RALYL: variants seen among roughly 807,000 people sequenced by gnomAD.
RALYL encodes RNA-binding Raly-like protein.
A neutral mutation model predicts 35.1 loss-of-function variants in RALYL; 29 were observed. That is an observed-to-expected ratio of 0.83 (90% confidence interval 0.61 to 1.13). The LOEUF (loss-of-function observed/expected upper bound fraction) is 1.13. Among genes scored for constraint, RALYL ranks in the 50% most tolerant of loss-of-function variants. The pLI, the probability that RALYL is intolerant of heterozygous loss-of-function variation, is 0.00. For synonymous variants in RALYL, 120 were observed against 127.6 expected (o/e 0.94, Z 0.40); for missense variants, 359 against 360.4 (o/e 1.00, Z 0.03).
At chr8:84,807,669 C>T (rs1824969556) in intron 4 of RALYL, among the ~76,000 whole-genome samples, 1 of 152,164 alleles carries the variant, frequency 6.6e-6, no homozygotes, top group African/African-American at 2.4e-5. Context: ...GCATCCACTC[C>T]ACCATCTACT....
chr8:84,688,226 T>C (rs1837240989), intron 2 of RALYL, among the ~76,000 whole-genome samples: 1 of 152,078 alleles, frequency 6.6e-6, no homozygotes, highest in South Asian at 2.1e-4. Context: ...AGTATAGAAT[T>C]TATTTGGAAG....
At chr8:84,469,724 G>A (rs1276378820) in intron 1 of RALYL, among the ~76,000 whole-genome samples, 5 of 152,322 alleles carry the variant, frequency 3.3e-5, no homozygotes, top group African/African-American at 9.6e-5. Flanking sequence ...AATGGCAGGC[G>A]CCCCTCCCCC....
At chr8:84,704,191 A>T (rs1840719643) in intron 2 of RALYL, among the ~76,000 whole-genome samples, 1 of 152,078 alleles carries the variant, frequency 6.6e-6, no homozygotes, top group Non-Finnish European at 1.5e-5. Flanking sequence ...TTGGGAGGCC[A>T]AGGTGGGCGG....
chr8:84,431,709 G>C (rs1029339481), intron 1 of RALYL, among the ~76,000 whole-genome samples: 1 of 152,086 alleles, frequency 6.6e-6, no homozygotes, highest in Non-Finnish European at 1.5e-5. Flanking sequence ...TTCATTCATG[G>C]TGAGGCAAAT....
chr8:84,641,141 T>G (rs1310381313), intron 2 of RALYL, among the ~76,000 whole-genome samples: 2 of 151,462 alleles, frequency 1.3e-5, no homozygotes, highest in Non-Finnish European at 3.0e-5. Flanking sequence ...TTATAACCTT[T>G]TTATTTAAAA....
chr8:84,807,815 A>C (rs1182091215), intron 4 of RALYL, among the ~76,000 whole-genome samples: 1 of 152,056 alleles, frequency 6.6e-6, no homozygotes, highest in African/African-American at 2.4e-5. Flanking sequence ...GTATATCTTC[A>C]TTTGAGTACT....
chr8:84,727,591 T>C (rs753576859), intron 2 of RALYL, among the ~76,000 whole-genome samples: 24 of 151,484 alleles, frequency 1.6e-4, no homozygotes, highest in Non-Finnish European at 3.2e-4. Flanking sequence ...CATCTAGCAA[T>C]AGGTATATCT....
chr8:84,620,351 C>T (rs1415979302), intron 2 of RALYL, among the ~76,000 whole-genome samples: 1 of 152,118 alleles, frequency 6.6e-6, no homozygotes, highest in Non-Finnish European at 1.5e-5. Flanking sequence ...ATTTCATCTT[C>T]CATTGCTGAT....
chr8:84,498,719 G>T (rs2056347285), intron 1 of RALYL, among the ~76,000 whole-genome samples: 1 of 151,874 alleles, frequency 6.6e-6, no homozygotes. Context: ...TCTTTTAAGA[G>T]AAATAAAGTA....
chr8:84,326,890 T>C (rs1378400090), intron 1 of RALYL, among the ~76,000 whole-genome samples: 1 of 152,184 alleles, frequency 6.6e-6, no homozygotes, highest in Non-Finnish European at 1.5e-5. Context: ...ATGTAGACTT[T>C]ATTCTAGGCA....
At chr8:84,372,243 C>T (rs1855868685) in intron 1 of RALYL, among the ~76,000 whole-genome samples, 1 of 152,012 alleles carries the variant, frequency 6.6e-6, no homozygotes, top group Non-Finnish European at 1.5e-5. Context: ...ACATCTGTGA[C>T]TGGAGTCCAC....
intron 1 of RALYL, among the ~76,000 whole-genome samples, chr8:84,272,801 G>A (rs1315116228): frequency 6.6e-6 from 1 of 152,090 alleles, no homozygotes; most frequent in Non-Finnish European, 1.5e-5. Flanking sequence ...CACAACTAGG[G>A]CAGTTAATTA....
intron 8 of RALYL, among the ~76,000 whole-genome samples, chr8:84,905,109 C>A (rs1846269614): frequency 6.6e-6 from 1 of 152,218 alleles, no homozygotes; most frequent in East Asian, 1.9e-4. Context: ...TCTCTCTGCC[C>A]CCTGGTAACT....
At chr8:84,456,952 A>G (rs1236484628) in intron 1 of RALYL, among the ~76,000 whole-genome samples, 3 of 151,998 alleles carry the variant, frequency 2.0e-5, no homozygotes, top group Non-Finnish European at 2.9e-5. Context: ...GCATCCACAC[A>G]TTTCTGCAGT....
chr8:84,460,107 G>A (rs2050584512), intron 1 of RALYL, among the ~76,000 whole-genome samples: 1 of 151,752 alleles, frequency 6.6e-6, no homozygotes, highest in Non-Finnish European at 1.5e-5. Context: ...AATATACCTG[G>A]AGGTTATACA....
chr8:84,367,587 C>T (rs1291162874), intron 1 of RALYL, among the ~76,000 whole-genome samples: 1 of 151,480 alleles, frequency 6.6e-6, no homozygotes, highest in Non-Finnish European at 1.5e-5. Context: ...TTTTCAGGTG[C>T]CTCACAAAAT....
chr8:84,442,676 G>A (rs2048464969), intron 1 of RALYL, among the ~76,000 whole-genome samples: 2 of 152,122 alleles, frequency 1.3e-5, no homozygotes, highest in South Asian at 4.1e-4. Flanking sequence ...AAAGGAAGCT[G>A]TGAACTACAT....
At chr8:84,885,316 T>C (rs2135401901) in intron 7 of RALYL, among the ~76,000 whole-genome samples, 1 of 152,254 alleles carries the variant, frequency 6.6e-6, no homozygotes. Context: ...GATTTTTTTC[T>C]TTAACTCAGT....
intron 1 of RALYL, among the ~76,000 whole-genome samples, chr8:84,372,829 C>T (rs1009480406): frequency 1.3e-5 from 2 of 148,844 alleles, no homozygotes; most frequent in African/African-American, 5.0e-5. Flanking sequence ...AACTAATTTA[C>T]ACTCCCACCA....
Sources: allele counts gnomAD v4.1 joint callset (sites outside exome capture counted in the v4.1 genomes callset), GRCh38; gene constraint gnomAD v4.1.1; transcripts MANE v1.5; gene names NCBI Gene and HGNC (gene_info 2026-07-23, HGNC 2026-07-21).